Variants in SOX5 observed in about 807,000 individuals in gnomAD.
The protein encoded by SOX5 is SRY-box transcription factor 5.
A neutral mutation model predicts 92.0 loss-of-function variants in SOX5; 9 were observed. The ratio of observed to expected loss-of-function variants is 0.10; its 90% CI spans 0.06 to 0.17. SOX5 has a LOEUF of 0.17. SOX5 is among the 10% of genes least tolerant of loss of function. The probability of loss-of-function intolerance (pLI) is 1.00; values close to 1 mark genes in which losing one functional copy is unlikely to be tolerated. For synonymous variants in SOX5, 344 were observed against 336.3 expected, an observed-to-expected ratio of 1.02 and a Z score of -0.25; for missense variants, 642 against 944.5, an observed-to-expected ratio of 0.68 and a Z score of 4.20.
At chr12:23,749,097 A>G (rs1252212293) in intron 4 of SOX5, among the ~76,000 whole-genome samples, 1 of 151,938 alleles carries the variant, frequency 6.6e-6, no homozygotes, top group Non-Finnish European at 1.5e-5. Flanking sequence ...CCTCATCAAA[A>G]AGGCTAAATA....
chr12:23,544,275 G>A (rs566250017), intron 12 of SOX5, among the ~76,000 whole-genome samples: 40 of 152,264 alleles, frequency 2.6e-4, no homozygotes, highest in African/African-American at 7.2e-4. Flanking sequence ...CCCTTAGAAT[G>A]GCTTCAGCAG....
At chr12:24,243,978 A>G (rs1212568623) in intron 3 of SOX5, among the ~76,000 whole-genome samples, 6 of 151,870 alleles carry the variant, frequency 4.0e-5, no homozygotes, top group Non-Finnish European at 7.4e-5. Flanking sequence ...TAATTTACCA[A>G]TTTGCAAGTG....
intron 6 of SOX5, among the ~76,000 whole-genome samples, chr12:23,676,274 C>T (rs140719476): frequency 4.6e-5 from 7 of 152,206 alleles, no homozygotes; most frequent in African/African-American, 1.7e-4. Context: ...ATTTACTTGA[C>T]TGCAATAATC....
upstream of SOX5, among the ~76,000 whole-genome samples, chr12:23,955,347 T>A (rs529742360): frequency 1.3e-5 from 2 of 152,270 alleles, no homozygotes; most frequent in South Asian, 4.1e-4. Flanking sequence ...AGTATTCTTA[T>A]CTCATTTGTA....
At chr12:23,918,221 G>A (rs1233426893) in intron 1 of SOX5, among the ~76,000 whole-genome samples, 1 of 151,592 alleles carries the variant, frequency 6.6e-6, no homozygotes, top group Non-Finnish European at 1.5e-5. Flanking sequence ...CCTTAACTCT[G>A]TTTTTCCATT....
intron 2 of SOX5, among the ~76,000 whole-genome samples, chr12:24,277,551 T>A (rs990244380): frequency 4.5e-4 from 67 of 147,404 alleles, no homozygotes; most frequent in Admixed American, 8.9e-4. Context: ...GTATATAAAT[T>A]TATATTTATA....
chr12:23,543,140 C>T, intron 13 of SOX5, 71 bp downstream of exon 13: 9 of 1,298,948 alleles, frequency 6.9e-6, no homozygotes, highest in Non-Finnish European at 9.6e-6. Flanking sequence ...ATCCAGGATC[C>T]TTCCACAACT....
chr12:24,138,203 G>A (rs905516428), intron 4 of SOX5, among the ~76,000 whole-genome samples: 3 of 152,226 alleles, frequency 2.0e-5, no homozygotes, highest in African/African-American at 7.2e-5. Context: ...TCAGAGAACG[G>A]AGGCGTATCC....
At chr12:24,455,742 A>G (rs1338618044) in intron 1 of SOX5, among the ~76,000 whole-genome samples, 1 of 152,206 alleles carries the variant, frequency 6.6e-6, no homozygotes, top group Non-Finnish European at 1.5e-5. Flanking sequence ...CTCACTCAGT[A>G]GAGGCTTGTG....
intron 3 of SOX5, among the ~76,000 whole-genome samples, chr12:24,259,381 T>A (rs758950157): frequency 6.6e-6 from 1 of 152,254 alleles, no homozygotes; most frequent in Admixed American, 6.5e-5. Context: ...TATACACGCA[T>A]ATTGAGCTAT....
chr12:24,225,479 GTTT>G (rs5797069), intron 3 of SOX5, among the ~76,000 whole-genome samples: 4,635 of 149,164 alleles, frequency 0.031, 85 homozygotes, highest in South Asian at 0.084. Context: ...ATTATCAGAG[GTTT>G]TTTTTTTTTT....
At chr12:23,814,776 C>T (rs1250519044) in intron 3 of SOX5, among the ~76,000 whole-genome samples, 4 of 152,074 alleles carry the variant, frequency 2.6e-5, no homozygotes, top group African/African-American at 9.7e-5. Flanking sequence ...TTTTAAATTT[C>T]CACGCTGCAT....
At position 24,188,757 on chromosome 12, in the gene SOX5, C is replaced by G. The variant is rs138252052; in HGVS notation, c.-2+24586G>C. Among the ~76,000 whole-genome samples the G allele has an allele frequency of 7.0e-4, 106 of 152,214 alleles. No individual in the cohort carries two copies. In the East Asian group the frequency reaches 0.02, roughly 29 times the overall value. ...GAACCATTTCTGAGCAGGGAGGTAA[C>G]AAGACCAGAGCTGTGATTTAGGAAG... On this transcript the variant is annotated intron_variant, in intron 4 of 4. Transcript: ENST00000446891.
intron 1 of SOX5, among the ~76,000 whole-genome samples, chr12:24,524,340 C>CATCT (rs146131503): frequency 0.26 from 37,792 of 144,964 alleles, 5,239 homozygotes; most frequent in East Asian, 0.38. Context: ...AATCCCCTCC[C>CATCT]ATCTATCTAT....
At chr12:23,834,194 G>A (rs1327435423) in intron 3 of SOX5, among the ~76,000 whole-genome samples, 1 of 151,904 alleles carries the variant, frequency 6.6e-6, no homozygotes, top group Non-Finnish European at 1.5e-5. Flanking sequence ...ATTTAAGGCA[G>A]TGGAACGGCA....
At chr12:24,053,322 G>T (rs1957763175) in intron 4 of SOX5, among the ~76,000 whole-genome samples, 1 of 151,888 alleles carries the variant, frequency 6.6e-6, no homozygotes, top group Admixed American at 6.6e-5. Flanking sequence ...TAGAGACGGG[G>T]TTTCACCATG....
chr12:24,230,944 C>G (rs1963262773), intron 3 of SOX5, among the ~76,000 whole-genome samples: 1 of 152,210 alleles, frequency 6.6e-6, no homozygotes, highest in South Asian at 2.1e-4. Flanking sequence ...ATTGAGAGAA[C>G]AGCTGAATAA....
chr12:23,980,466 A>T (rs1372333612), intron 4 of SOX5, among the ~76,000 whole-genome samples: 3 of 152,142 alleles, frequency 2.0e-5, no homozygotes, highest in Non-Finnish European at 4.4e-5. Context: ...ATGTAGTAAG[A>T]TGTATGTCCT....
chr12:24,506,758 C>G (rs1010781654), intron 1 of SOX5, among the ~76,000 whole-genome samples: 1 of 146,236 alleles, frequency 6.8e-6, no homozygotes, highest in Non-Finnish European at 1.5e-5. Flanking sequence ...TCCAATGCAA[C>G]CTGTATTTCA....
Sources: gnomAD v4.1 joint callset for allele counts (sites outside exome capture counted in the v4.1 genomes callset) on GRCh38, gnomAD v4.1.1 for gene constraint, MANE v1.5 for transcripts, NCBI Gene and HGNC (gene_info 2026-07-23, HGNC 2026-07-21) for gene names.